The following TGFBR3 variants were observed in gnomAD, a reference collection of about 807,000 sequenced individuals.
TGFBR3 encodes transforming growth factor beta receptor type 3.
A neutral mutation model predicts 87.9 loss-of-function variants in TGFBR3; 46 were observed. That is an observed-to-expected ratio of 0.52 (90% CI 0.41 to 0.67). The LOEUF (loss-of-function observed/expected upper bound fraction) is 0.67. Among genes scored for constraint, TGFBR3 ranks in the 30% least tolerant of loss-of-function variants. TGFBR3 has a pLI of 0.00. For synonymous variants in TGFBR3, 381 were observed against 391.6 expected, an observed-to-expected ratio of 0.97 and a Z score of 0.32; for missense variants, 866 against 1,041.9, an observed-to-expected ratio of 0.83 and a Z score of 2.32.
In TGFBR3 at chr1:91,720,036, G is replaced by C; in HGVS notation, c.1270C>G (p.Pro424Ala). The change falls in exon 9 of 17, where the codon CCA becomes GCA. Residue 424 changes from proline (P) to alanine (A), a missense_variant. Physicochemically the swap from Pro to Ala is conservative, Grantham distance 27 (BLOSUM62 -1). Transcript: ENST00000212355. ...NEEGEDGLPRPKDPVIPSIQL... is the reference protein window; with the variant it reads ...NEEGEDGLPRAKDPVIPSIQL... ...ATGCTGGGAATGACAGGGTCCTTTG[G>C]CCGAGGGAGCCCATCTTCTCCCTCT... 1 of 1,614,196 alleles carries C rather than the reference G, an allele frequency of 6.2e-7. No individual in the cohort carries two copies. Among genetic ancestry groups the C allele is most frequent in the Non-Finnish European group, 8.5e-7 (1 of 1,180,030 alleles).
intron 15 of TGFBR3, among the ~76,000 whole-genome samples, chr1:91,697,273 A>T (rs911488756): frequency 5.9e-5 from 9 of 152,028 alleles, no homozygotes; most frequent in Admixed American, 4.6e-4. Context: ...TCCATAATTT[A>T]AAAAAAATAA....
chr1:91,703,362 T>A (rs1671687146), intron 14 of TGFBR3, among the ~76,000 whole-genome samples: 1 of 152,172 alleles, frequency 6.6e-6, no homozygotes, highest in Non-Finnish European at 1.5e-5. Flanking sequence ...GCTGAGAGGT[T>A]GAGAGGAAGG....
rs575949087 is a variant in TGFBR3, at chr1:91,753,037, A to G, written c.384+5576T>C. ...GCCAGACCCTCTCTCAAAAAAAAAA[A>G]GAAAAAAAGAAAAAAAAATCAGGTA... On this transcript the variant is annotated intron_variant, in intron 4 of 16. Coordinates refer to ENST00000212355, the MANE Select transcript of TGFBR3 (RefSeq NM_003243.5). 5.3e-5 allele frequency among the ~76,000 whole-genome samples: 8 copies of G among 151,846 alleles called. No homozygotes were observed. In the South Asian group the frequency reaches 8.3e-4, roughly 16 times the overall value.
At chr1:91,834,400 G>T (rs149456465) in intron 2 of TGFBR3, among the ~76,000 whole-genome samples, 1 of 152,170 alleles carries the variant, frequency 6.6e-6, no homozygotes, top group Non-Finnish European at 1.5e-5. Flanking sequence ...TCCTCTGACA[G>T]GTTCCCCTTT....
chr1:91,747,960 T>A (rs1673404186), intron 4 of TGFBR3, among the ~76,000 whole-genome samples: 1 of 152,172 alleles, frequency 6.6e-6, no homozygotes. Flanking sequence ...CATATATATA[T>A]CCCCGACTGG....
At chr1:91,879,515 T>C (rs1269325701) in intron 1 of TGFBR3, among the ~76,000 whole-genome samples, 1 of 152,140 alleles carries the variant, frequency 6.6e-6, no homozygotes, top group East Asian at 1.9e-4. Context: ...TTAAATATGG[T>C]CTCTATCCCT....
Position 91,734,834 on chromosome 1 carries a change from T to C in TGFBR3, c.510A>G (p.Ala170=). The change falls in exon 5 of 17, where the codon GCA becomes GCG. Residue 170 remains alanine, a synonymous_variant. Coordinates refer to ENST00000212355, the MANE Select transcript of TGFBR3 (RefSeq NM_003243.5). ...TCTTGAGTTCGGTGAATGAAGTAAC[T>C]GCTCCATACTCTTTTCGGGCCCAAT... The part of the protein sequence containing the change: ...LLNWARKEYG[A]VTSFTELKIA... The C allele has an allele frequency of 6.2e-7, 1 of 1,614,258 alleles. No individual in the cohort carries two copies. The highest frequency in any genetic ancestry group is 8.5e-7 in the Non-Finnish European group (1 of 1,180,028).
chr1:91,727,963 T>C, intron 6 of TGFBR3, 157 bp from the exon 7 acceptor site: 1 of 759,020 alleles, frequency 1.3e-6, no homozygotes, highest in Non-Finnish European at 2.2e-6. Flanking sequence ...AGATTGTTAC[T>C]GCACACATAA....
At chr1:91,731,712 G>A (rs537678683) in intron 5 of TGFBR3, among the ~76,000 whole-genome samples, 44 of 152,298 alleles carry the variant, frequency 2.9e-4, no homozygotes, top group Middle Eastern at 6.8e-3. Flanking sequence ...GATTGTGGCC[G>A]GCATATCCAG....
chr1:91,755,050 C>A (rs1673688998), intron 4 of TGFBR3: 1 of 152,170 alleles, frequency 6.6e-6, no homozygotes, highest in African/African-American at 2.4e-5. Flanking sequence ...CTCCTTTAGG[C>A]TCCCTGGGTA....
chr1:91,849,848 C>T (rs188627142), intron 2 of TGFBR3, among the ~76,000 whole-genome samples: 1 of 151,490 alleles, frequency 6.6e-6, no homozygotes, highest in Non-Finnish European at 1.5e-5. Flanking sequence ...TTTGGGAGGC[C>T]GAGGCGGGCC....
chr1:91,759,330 A>G (rs1227776710), intron 3 of TGFBR3, among the ~76,000 whole-genome samples: 2 of 151,500 alleles, frequency 1.3e-5, no homozygotes, highest in African/African-American at 4.9e-5. Flanking sequence ...TTTTCCAAAG[A>G]AATGAAGCAC....
chr1:91,856,846 T>C lies in TGFBR3; in HGVS notation c.61+4625A>G, dbSNP rs186626525. 3.9e-3 allele frequency among the ~76,000 whole-genome samples: 591 copies of C among 152,284 alleles called. 1 individual carries two copies. The highest frequency in any genetic ancestry group is 6.7e-3 in the Non-Finnish European group (457 of 68,018). On this transcript the variant is annotated intron_variant, in intron 2 of 16. Transcript: ENST00000212355. ...AATCAATCAAGAAGAGGTTTATTCA[T>C]CCCACACACAGGGTCTCCTCCCTAG...
At chr1:91,794,723 C>T (rs767336306) in intron 3 of TGFBR3, among the ~76,000 whole-genome samples, 2 of 152,118 alleles carry the variant, frequency 1.3e-5, no homozygotes, top group Non-Finnish European at 2.9e-5. Context: ...ATCAGTATGC[C>T]ATCCTTTTTA....
intron 2 of TGFBR3, among the ~76,000 whole-genome samples, chr1:91,818,339 C>T (rs961183489): frequency 8.0e-6 from 1 of 124,622 alleles, no homozygotes; most frequent in African/African-American, 3.0e-5. Flanking sequence ...TTTAGGACAG[C>T]AGAAAAACTG....
intron 1 of TGFBR3, among the ~76,000 whole-genome samples, chr1:91,905,005 C>A (rs2101357983): frequency 6.6e-6 from 1 of 152,196 alleles, no homozygotes; most frequent in Admixed American, 6.5e-5. Context: ...TGGCCAGATT[C>A]TTTACCTGTA....
Position 91,766,852 on chromosome 1 carries a change from C to T in TGFBR3, c.247-8102G>A, listed in dbSNP as rs1446647308. Reference sequence around the variant, plus strand: ...CAGCTGACACCAACCAGTTTAAAGACTCCCACAAAGGAACCACCAAATCAG... The same window carrying T: ...CAGCTGACACCAACCAGTTTAAAGATTCCCACAAAGGAACCACCAAATCAG... On this transcript the variant is annotated intron_variant, in intron 3 of 16. Coordinates refer to ENST00000212355, the MANE Select transcript of TGFBR3 (RefSeq NM_003243.5). Among the ~76,000 whole-genome samples the T allele has an allele frequency of 1.5e-5, 2 of 133,266 alleles. 1 individual carries two copies. Among genetic ancestry groups the T allele is most frequent in the Non-Finnish European group, 3.3e-5 (2 of 60,862 alleles). 87.4% of individuals were successfully genotyped at this position (133,266 alleles called of 152,430 possible). A position where few individuals can be genotyped will look rare whatever the true frequency, so the allele number is the denominator to read the frequency against.
intron 16 of TGFBR3, 112 bp downstream of exon 16, chr1:91,695,560 T>C (rs1440179089): frequency 2.2e-6 from 2 of 908,552 alleles, no homozygotes; most frequent in East Asian, 2.5e-5. Context: ...GTAAAAATAG[T>C]AGGAATGAAC....
Position 91,712,498 on chromosome 1 carries a change from T to C in TGFBR3, c.1911A>G (p.Gln637=). The C allele has an allele frequency of 6.2e-7, 1 of 1,614,224 alleles. No homozygotes were observed. Among genetic ancestry groups the C allele is most frequent in the African/African-American group, 1.3e-5 (1 of 75,068 alleles). The change falls in exon 13 of 17, where the codon CAA becomes CAG. Residue 637 remains glutamine, a synonymous_variant. Coordinates refer to ENST00000212355, the MANE Select transcript of TGFBR3 (RefSeq NM_003243.5). The stretch of plus-strand genomic sequence containing the variant: ...TCGAATATGGAGAGATAAAGCACGT[T>C]TGGATGGCAAATCCCAGTTCTTGTT... The part of the protein sequence containing the change: ...KAEQELGFAI[Q]TCFISPYSNP...
Sources: gnomAD v4.1 joint callset for allele counts (sites outside exome capture counted in the v4.1 genomes callset) on GRCh38, gnomAD v4.1.1 for gene constraint, MANE v1.5 for transcripts, NCBI Gene and HGNC (gene_info 2026-07-23, HGNC 2026-07-21) for gene names.